The following NPTXR variants were observed in gnomAD, a reference collection of about 807,000 sequenced individuals.
The protein encoded by NPTXR is neuronal pentraxin receptor.
Under a neutral mutation model 32.2 loss-of-function variants are expected in NPTXR, and 12 were observed. The ratio of observed to expected loss-of-function variants is 0.37; its 90% CI spans 0.24 to 0.60. NPTXR has a LOEUF of 0.60. Ranked by LOEUF, NPTXR falls within the 20% of genes least tolerant of loss-of-function variation. NPTXR has a pLI of 0.66. For synonymous variants in NPTXR, 323 were observed against 315.8 expected (o/e 1.02, Z -0.24); for missense variants, 612 against 682.9 (o/e 0.90, Z 1.16).
Position 38,822,525 on chromosome 22 carries a change from C to A in NPTXR, c.*84G>T. On this transcript the variant is annotated 3_prime_UTR_variant, in exon 5 of 5. Coordinates refer to ENST00000333039, the MANE Select transcript of NPTXR (RefSeq NM_014293.4). ...AGTGGGGCAGGAGGGAAGGCCAGTG[C>A]GTGGGCAGGCTGAGGAGGGAATATG... 8.2e-7 allele frequency: 1 copy of A among 1,218,534 alleles called. No homozygotes were observed. Among genetic ancestry groups the A allele is most frequent in the Non-Finnish European group, 1.2e-6 (1 of 854,330 alleles). The allele number at this position is 1,218,534 out of a possible 1,614,324, so 75.5% of individuals were successfully genotyped here. A position where few individuals can be genotyped will look rare whatever the true frequency, so the allele number is the denominator to read the frequency against.
intron 1 of NPTXR, among the ~76,000 whole-genome samples, chr22:38,841,032 A>G (rs548498631): frequency 1.7e-4 from 26 of 152,294 alleles, no homozygotes; most frequent in Non-Finnish European, 3.5e-4. Flanking sequence ...GTATCCTGGG[A>G]GGGAAAGGAG....
At chr22:38,824,140 C>T (rs1012232883) in intron 3 of NPTXR, among the ~76,000 whole-genome samples, 3 of 39,700 alleles carry the variant, frequency 7.6e-5, no homozygotes, top group African/African-American at 3.4e-4. Context: ...CCATGCCCAG[C>T]TATTTTTTTT....
intron 1 of NPTXR, among the ~76,000 whole-genome samples, chr22:38,835,372 C>A (rs1051199463): frequency 1.3e-5 from 2 of 152,200 alleles, no homozygotes; most frequent in African/African-American, 4.8e-5. Flanking sequence ...GGTGGCTCCG[C>A]CTCCTCCTAC....
chr22:38,843,214 C>A lies in NPTXR; in HGVS notation c.624+21G>T. 1 of 1,305,494 alleles carries A rather than the reference C, an allele frequency of 7.7e-7. No individual in the cohort carries two copies. The highest frequency in any genetic ancestry group is 9.7e-7 in the Non-Finnish European group (1 of 1,033,088). 80.9% of individuals were successfully genotyped at this position (1,305,494 alleles called of 1,614,324 possible). On this transcript the variant is annotated intron_variant, in intron 1 of 4. Coordinates refer to ENST00000333039, the MANE Select transcript of NPTXR (RefSeq NM_014293.4). This position sits in a 1 kb window ranked among gnomAD's most constrained non-coding sequence, Gnocchi z 5.3. ...CCCTCACACCACCCGGGCGGCTCCCCCGACGGCGCGCGGCGCTCACCTCCA... is the reference window on the plus strand; with the variant it reads ...CCCTCACACCACCCGGGCGGCTCCCACGACGGCGCGCGGCGCTCACCTCCA...
chr22:38,826,887 C>T, intron 2 of NPTXR, 140 bp from the exon 3 acceptor site: 1 of 962,690 alleles, frequency 1.0e-6, no homozygotes. Context: ...CTCTCTGCTC[C>T]ACCTCTGTGT....
At chr22:38,836,015 T>A (rs1031073156) in intron 1 of NPTXR, among the ~76,000 whole-genome samples, 1 of 152,070 alleles carries the variant, frequency 6.6e-6, no homozygotes, top group African/African-American at 2.4e-5. Flanking sequence ...AGGCAAAGAT[T>A]TACAAAATGG....
chr22:38,828,837 C>CT (rs2093111761), intron 1 of NPTXR, among the ~76,000 whole-genome samples: 1 of 152,216 alleles, frequency 6.6e-6, no homozygotes, highest in Non-Finnish European at 1.5e-5. Flanking sequence ...GCAGCTGGGG[C>CT]TGAACGCCCC....
At chr22:38,838,774 G>T (rs1056332086) in intron 1 of NPTXR, among the ~76,000 whole-genome samples, 3 of 151,884 alleles carry the variant, frequency 2.0e-5, no homozygotes, top group Non-Finnish European at 4.4e-5. Flanking sequence ...GTAGAGACGG[G>T]GTTTCACCGT....
Position 38,834,577 on chromosome 22 carries a change from T to TCATC in NPTXR, c.625-6069_625-6066dup, listed in dbSNP as rs1555882955. ...CTTCTCTGGCAGGGCTGCAGAGCAC[T>TCATC]CATCCATCCATCCATCCATCCATCA... On this transcript the variant is annotated intron_variant, in intron 1 of 4. Coordinates refer to ENST00000333039, the MANE Select transcript of NPTXR (RefSeq NM_014293.4). The surrounding 1 kb of genome is among the most constrained non-coding windows in gnomAD (Gnocchi z 4.4). 3.1e-4 allele frequency among the ~76,000 whole-genome samples: 45 copies of TCATC among 144,226 alleles called. No individual in the cohort carries two copies. The highest frequency in any genetic ancestry group is 1.1e-3 in the African/African-American group (43 of 38,586). The allele number at this position is 144,226 out of a possible 152,430, so 94.6% of individuals were successfully genotyped here. A position where few individuals can be genotyped will look rare whatever the true frequency, so the allele number is the denominator to read the frequency against.
chr22:38,843,951 A>AGGCGCG lies in NPTXR; in HGVS notation c.-99_-94dup, dbSNP rs2093136035. The AGGCGCG allele has an allele frequency of 2.7e-6, 2 of 738,022 alleles. No individual in the cohort carries two copies. Among genetic ancestry groups the AGGCGCG allele is most frequent in the Non-Finnish European group, 3.3e-6 (2 of 607,080 alleles). 45.7% of individuals were successfully genotyped at this position (738,022 alleles called of 1,614,324 possible). On this transcript the variant is annotated 5_prime_UTR_variant, in exon 1 of 5. Transcript: ENST00000333039. The surrounding 1 kb of genome is among the most constrained non-coding windows in gnomAD (Gnocchi z 5.3). Reference sequence around the variant, plus strand: ...CCGGGCGCGCTGGGCCGAGCGGGGCAGGCGCGGGAGCCGGAGCCGGAGCCG... The same window carrying AGGCGCG: ...CCGGGCGCGCTGGGCCGAGCGGGGCAGGCGCGGGCGCGGGAGCCGGAGCCGGAGCCG...
chr22:38,832,136 T>C (rs1158246483), intron 1 of NPTXR, among the ~76,000 whole-genome samples: 1 of 152,168 alleles, frequency 6.6e-6, no homozygotes, highest in Non-Finnish European at 1.5e-5. Context: ...AGCTGTTCTT[T>C]TGTCAGAGCC....
At chr22:38,828,782 G>C (rs558249255) in intron 1 of NPTXR, among the ~76,000 whole-genome samples, 1 of 152,242 alleles carries the variant, frequency 6.6e-6, no homozygotes, top group East Asian at 1.9e-4. Context: ...GGGGTGTGGG[G>C]CGTGGCCATG....
Position 38,821,202 on chromosome 22 carries a change from C to G in NPTXR, c.*1407G>C, listed in dbSNP as rs2093096514. 6.6e-6 allele frequency: 1 copy of G among 152,330 alleles called. No homozygotes were observed. The highest frequency in any genetic ancestry group is 2.4e-5 in the African/African-American group (1 of 41,434). The allele number at this position is 152,330 out of a possible 1,614,324, so 9.4% of individuals were successfully genotyped here. A position where few individuals can be genotyped will look rare whatever the true frequency, so the allele number is the denominator to read the frequency against. ...AGCCACCGTGCCCGGCCTCTCAGCT[C>G]TTAAGATTCTGACACTCTCTTGGGG... is the stretch of plus-strand genomic sequence containing the variant. On this transcript the variant is annotated 3_prime_UTR_variant, in exon 5 of 5. Transcript: ENST00000333039.
rs1199939150 is a variant in NPTXR, at chr22:38,819,487, T to A, written c.*3122A>T. 1 of 152,290 alleles carries A rather than the reference T, an allele frequency of 6.6e-6. No individual in the cohort carries two copies. Among genetic ancestry groups the A allele is most frequent in the African/African-American group, 2.4e-5 (1 of 41,470 alleles). The allele number at this position is 152,290 out of a possible 1,614,324, so 9.4% of individuals were successfully genotyped here. Reference sequence around the variant, plus strand: ...CACGTCTGGAGCAATGGTGCCCAGATGGCACTCTACACAGGTGAGTGGGAA... The same window carrying A: ...CACGTCTGGAGCAATGGTGCCCAGAAGGCACTCTACACAGGTGAGTGGGAA... On this transcript the variant is annotated 3_prime_UTR_variant, in exon 5 of 5. Coordinates refer to ENST00000333039, the MANE Select transcript of NPTXR (RefSeq NM_014293.4).
At chr22:38,829,177 G>C (rs1294470026) in intron 1 of NPTXR, among the ~76,000 whole-genome samples, 1 of 152,216 alleles carries the variant, frequency 6.6e-6, no homozygotes, top group Non-Finnish European at 1.5e-5. Context: ...AAAGAGAGCT[G>C]CACCTATTTG....
rs549561761 is a variant in NPTXR, at chr22:38,822,232, G to A, written c.*377C>T. On this transcript the variant is annotated 3_prime_UTR_variant, in exon 5 of 5. Transcript: ENST00000333039. ...TTGCATGGGGGACAAGGGGGCGGGC[G>A]GCCACCCCCACCACTGAGATAGTGG... The A allele has an allele frequency of 9.1e-5, 23 of 251,432 alleles. No individual in the cohort carries two copies. Among genetic ancestry groups the A allele is most frequent in the Non-Finnish European group, 1.3e-4 (17 of 126,978 alleles). The allele number at this position is 251,432 out of a possible 1,614,324, so 15.6% of individuals were successfully genotyped here.
chr22:38,843,754 C>A lies in NPTXR; in HGVS notation c.105G>T (p.Ala35=), dbSNP rs1306192001. 5 of 999,376 alleles carry A rather than the reference C, an allele frequency of 5.0e-6. No individual in the cohort carries two copies. The highest frequency in any genetic ancestry group is 4.5e-5 in the South Asian group (1 of 22,124). The allele number at this position is 999,376 out of a possible 1,614,324, so 61.9% of individuals were successfully genotyped here. The change falls in exon 1 of 5, where the codon GCG becomes GCT. Residue 35 remains alanine (A), a synonymous_variant. Transcript: ENST00000333039. The surrounding 1 kb of genome is among the most constrained non-coding windows in gnomAD (Gnocchi z 5.3). ...AAGCATTGTCGGCGCCGCCGGGCAG[C>A]GCCCGCGCCGGGCTGGCCGCCAGGG...
At position 38,843,987 on chromosome 22, in the gene NPTXR, CGGAGCT is replaced by C. The variant is rs1170879668; in HGVS notation, c.-135_-130del. 1.7e-5 allele frequency: 7 copies of C among 402,206 alleles called. No individual in the cohort carries two copies. The highest frequency in any genetic ancestry group is 4.4e-5 in the African/African-American group (2 of 44,948). The allele number at this position is 402,206 out of a possible 1,614,324, so 24.9% of individuals were successfully genotyped here. On this transcript the variant is annotated 5_prime_UTR_variant, in exon 1 of 5. Coordinates refer to ENST00000333039, the MANE Select transcript of NPTXR (RefSeq NM_014293.4). This position sits in a 1 kb window ranked among gnomAD's most constrained non-coding sequence, Gnocchi z 5.3. Reference sequence around the variant, plus strand: ...CCGGAGCCGGAGCCGGAGCCGGAGCCGGAGCTGGAGCTGTCGCCGCGGCCGCTGCTG... The same window carrying C: ...CCGGAGCCGGAGCCGGAGCCGGAGCCGGAGCTGTCGCCGCGGCCGCTGCTG...
intron 2 of NPTXR, among the ~76,000 whole-genome samples, 184 bp downstream of exon 2, chr22:38,828,103 T>C (rs917328209): frequency 2.0e-5 from 3 of 152,260 alleles, no homozygotes; most frequent in African/African-American, 7.2e-5. Flanking sequence ...GAAAATGAGA[T>C]CTGTTAATAA....
Sources: allele counts gnomAD v4.1 joint callset (sites outside exome capture counted in the v4.1 genomes callset), GRCh38; gene constraint gnomAD v4.1.1; non-coding constraint Gnocchi (gnomAD v3.1); transcripts MANE v1.5; gene names NCBI Gene and HGNC (gene_info 2026-07-23, HGNC 2026-07-21).